Variants in POLG2 observed in about 807,000 individuals in gnomAD.
POLG2 encodes DNA polymerase gamma 2, accessory subunit.
A neutral mutation model predicts 56.5 loss-of-function variants in POLG2; 50 were observed. The ratio of observed to expected loss-of-function variants is 0.88; its 90% CI spans 0.71 to 1.12. The LOEUF (loss-of-function observed/expected upper bound fraction) is 1.12. Ranked by LOEUF, POLG2 falls within the 50% of genes most tolerant of loss-of-function variation. The pLI is 0.00. For synonymous variants in POLG2, 226 were observed against 222.6 expected (o/e 1.02, Z -0.14); for missense variants, 584 against 583.3 (o/e 1.00, Z -0.01).
chr17:64,486,373 TTAATA>T (rs2037954175), intron 4 of POLG2, among the ~76,000 whole-genome samples: 2 of 149,614 alleles, frequency 1.3e-5, no homozygotes, highest in South Asian at 4.2e-4. Flanking sequence ...TTTTTTTTTT[TTAATA>T]CAGACAGAGT....
intron 5 of POLG2, chr17:64,484,085 C>G (rs2037910758): frequency 6.6e-6 from 1 of 152,106 alleles, no homozygotes; most frequent in African/African-American, 2.4e-5. Context: ...GTTCCAGGTG[C>G]TAGGGGTAAA....
In POLG2 at chr17:64,485,886, A is replaced by G. The variant is rs782621581; in HGVS notation, c.970-18T>C. 186 of 1,613,390 alleles carry G rather than the reference A, an allele frequency of 1.2e-4. No individual in the cohort carries two copies. The highest frequency in any genetic ancestry group is 1.4e-4 in the Non-Finnish European group (168 of 1,179,432). On this transcript the variant is annotated intron_variant, in intron 4 of 7. Transcript: ENST00000539111. ...TCTCGGCCCTTCACAGAAAAACAGA[A>G]GAAAAATAATCATTTCACAGAACTT... is the stretch of plus-strand genomic sequence containing the variant.
At chr17:64,491,188 C>T (rs1555668429) in intron 3 of POLG2, among the ~76,000 whole-genome samples, 1 of 152,080 alleles carries the variant, frequency 6.6e-6, no homozygotes, top group Non-Finnish European at 1.5e-5. Context: ...AGTGGCTAGT[C>T]ACAGGTACAA....
intron 1 of POLG2, among the ~76,000 whole-genome samples, chr17:64,493,877 T>C (rs1278766776): frequency 6.6e-6 from 1 of 152,218 alleles, no homozygotes; most frequent in Non-Finnish European, 1.5e-5. Flanking sequence ...TCATCAATTA[T>C]CAACATTTTG....
At chr17:64,496,014 T>G (rs2038144904) in intron 1 of POLG2, among the ~76,000 whole-genome samples, 1 of 152,230 alleles carries the variant, frequency 6.6e-6, no homozygotes, top group Non-Finnish European at 1.5e-5. Context: ...TGGCCTTGAT[T>G]TATCCTATGA....
At chr17:64,481,642 G>A (rs2037857264) in intron 6 of POLG2, among the ~76,000 whole-genome samples, 1 of 152,104 alleles carries the variant, frequency 6.6e-6, no homozygotes, top group African/African-American at 2.4e-5. Context: ...GGAGGCCGAG[G>A]TGGGCGGATC....
chr17:64,482,793 T>C, intron 6 of POLG2, 126 bp downstream of exon 6: 1 of 664,502 alleles, frequency 1.5e-6, no homozygotes. Context: ...TTTAAGATTT[T>C]GGATTTTTGG....
chr17:64,486,436 T>C (rs537802110), intron 4 of POLG2, among the ~76,000 whole-genome samples: 6 of 151,744 alleles, frequency 4.0e-5, no homozygotes, highest in South Asian at 2.1e-4. Flanking sequence ...TCTCACCTCA[T>C]TGCCAACCTC....
At chr17:64,481,318 C>T (rs1350005586) in intron 6 of POLG2, 2 of 985,242 alleles carry the variant, frequency 2.0e-6, no homozygotes, top group Non-Finnish European at 2.4e-6. Flanking sequence ...TCTTCCCAGA[C>T]CTCTCCACAA....
chr17:64,485,913 TTTTG>T (rs782148563), intron 4 of POLG2, 45 bp from the exon 5 acceptor site: 136 of 1,604,510 alleles, frequency 8.5e-5, no homozygotes, highest in Admixed American at 7.2e-4. Context: ...ACAGAACTTT[TTTTG>T]TTTGTTTGTT....
chr17:64,482,895 G>C, intron 6 of POLG2, 24 bp downstream of exon 6: 2 of 1,273,116 alleles, frequency 1.6e-6, no homozygotes, highest in Non-Finnish European at 2.3e-6. Flanking sequence ...TAATTAAAAT[G>C]ACATTTAAAC....
intron 1 of POLG2, among the ~76,000 whole-genome samples, chr17:64,493,244 C>A (rs1423000087): frequency 6.6e-6 from 1 of 152,022 alleles, no homozygotes; most frequent in African/African-American, 2.4e-5. Context: ...CACAGCAAAA[C>A]CCCATCTCTA....
chr17:64,482,935 G>A lies in POLG2; in HGVS notation c.1175C>T (p.Thr392Ile). Residue 392 changes from threonine to isoleucine, a missense_variant, in exon 6 of 8, where the codon ACA becomes ATA. Physicochemically the swap from Thr to Ile is moderately conservative, Grantham distance 89. Coordinates refer to ENST00000539111, the MANE Select transcript of POLG2 (RefSeq NM_007215.4). ...TTAACTCACCTGTCTTAGTTCCAAT[G>A]TGGGGCCTCTTCCTACATCCAAAGC... ...KVALDVGRGP[T>I]LELRQVCQGL... 6.3e-7 allele frequency: 1 copy of A among 1,590,612 alleles called. No homozygotes were observed. Among genetic ancestry groups the A allele is most frequent in the Non-Finnish European group, 8.6e-7 (1 of 1,158,886 alleles).
At chr17:64,488,587 A>G (rs1478006734) in intron 4 of POLG2, among the ~76,000 whole-genome samples, 1 of 152,142 alleles carries the variant, frequency 6.6e-6, no homozygotes, top group Non-Finnish European at 1.5e-5. Flanking sequence ...GCCACAATAC[A>G]AAAATCATCT....
chr17:64,492,652 T>A lies in POLG2; in HGVS notation c.795+15A>T. The A allele has an allele frequency of 6.8e-7, 1 of 1,465,084 alleles. No individual in the cohort carries two copies. The highest frequency in any genetic ancestry group is 9.5e-7 in the Non-Finnish European group (1 of 1,047,356). 90.8% of individuals were successfully genotyped at this position (1,465,084 alleles called of 1,614,324 possible). A position where few individuals can be genotyped will look rare whatever the true frequency, so the allele number is the denominator to read the frequency against. On this transcript the variant is annotated intron_variant, in intron 3 of 7. Transcript: ENST00000539111. ...TATGTATTAACTATTAAATTAAAGG[T>A]AATTATTGCAGTACCTTTCTCCACC...
intron 6 of POLG2, among the ~76,000 whole-genome samples, chr17:64,481,638 C>T (rs982731977): frequency 1.3e-5 from 2 of 151,894 alleles, no homozygotes; most frequent in African/African-American, 4.8e-5. Flanking sequence ...GTTGGGAGGC[C>T]GAGGTGGGCG....
At position 64,496,538 on chromosome 17, in the gene POLG2, G is replaced by C; in HGVS notation, c.431C>G (p.Ala144Gly). Reference protein sequence around the residue: ...KPGPLLPGDSAFRLVSAETLR... With the variant: ...KPGPLLPGDSGFRLVSAETLR... The stretch of plus-strand genomic sequence containing the variant: ...AGTTTCTGCAGAAACTAACCTGAAG[G>C]CACTGTCCCCGGGTAGCAAAGGGCC... Residue 144 changes from alanine to glycine, a missense_variant, in exon 1 of 8, where the codon GCC (alanine) becomes GGC (glycine). Coordinates refer to ENST00000539111, the MANE Select transcript of POLG2 (RefSeq NM_007215.4). 4 of 1,613,706 alleles carry C rather than the reference G, an allele frequency of 2.5e-6. No individual in the cohort carries two copies. The highest frequency in any genetic ancestry group is 3.4e-6 in the Non-Finnish European group (4 of 1,179,680).
At chr17:64,490,497 T>C (rs1281673909) in intron 4 of POLG2, 10 of 376,448 alleles carry the variant, frequency 2.7e-5, no homozygotes, top group Non-Finnish European at 5.0e-6. Context: ...CAAGAGGAAT[T>C]GTTCATTTGA....
intron 6 of POLG2, among the ~76,000 whole-genome samples, chr17:64,482,327 C>CTTT (rs60268133): frequency 1.6e-5 from 2 of 128,580 alleles, no homozygotes; most frequent in African/African-American, 5.8e-5. Context: ...AAATTAAAAA[C>CTTT]TTTTTTTTTT....
Sources: allele counts gnomAD v4.1 joint callset (sites outside exome capture counted in the v4.1 genomes callset), GRCh38; gene constraint gnomAD v4.1.1; transcripts MANE v1.5; gene names NCBI Gene and HGNC (gene_info 2026-07-23, HGNC 2026-07-21).